AKAP6: variants seen among roughly 807,000 people sequenced by gnomAD.
The protein encoded by AKAP6 is A-kinase anchor protein 6.
In AKAP6, 58 loss-of-function variants were observed where a neutral mutation model predicts 188.5. The ratio of observed to expected loss-of-function variants is 0.31; its 90% CI spans 0.25 to 0.38. The LOEUF (loss-of-function observed/expected upper bound fraction) is 0.38. AKAP6 is among the 10% of genes least tolerant of loss of function. The pLI is 1.00. For missense variants in AKAP6, 2,710 were observed against 2,740.0 expected (o/e 0.99, Z 0.24); for synonymous variants, 989 against 998.6 (o/e 0.99, Z 0.18).
chr14:32,822,946 C>T lies in AKAP6; in HGVS notation c.5133C>T (p.Ile1711=). Residue 1711 remains isoleucine (I), a synonymous_variant, in exon 13 of 14, where the codon ATC becomes ATT. Transcript: ENST00000280979. ...ATATTGTGTTACACAAGAACAAGAT[C>T]CCGGAATCGAATGCATCGTTCAGGA... ...SEDIVLHKNK[I]PESNASFRKR... 3.1e-6 allele frequency: 5 copies of T among 1,613,904 alleles called. No homozygotes were observed. Among genetic ancestry groups the T allele is most frequent in the Non-Finnish European group, 4.2e-6 (5 of 1,179,918 alleles).
chr14:32,411,484 G>C (rs1268669588), intron 1 of AKAP6, among the ~76,000 whole-genome samples: 1 of 152,110 alleles, frequency 6.6e-6, no homozygotes, highest in East Asian at 1.9e-4. Context: ...CTTTAATCTA[G>C]AGACCCTCTA....
At chr14:32,330,219 C>T (rs1379348232) in intron 1 of AKAP6, among the ~76,000 whole-genome samples, 2 of 152,018 alleles carry the variant, frequency 1.3e-5, no homozygotes, top group African/African-American at 2.4e-5. Context: ...TTAACTTTAA[C>T]AAAAATCTGG....
Position 32,433,455 on chromosome 14 carries a change from T to C in AKAP6, c.-34-5T>C. 6.4e-7 allele frequency: 1 copy of C among 1,573,946 alleles called. No homozygotes were observed. On this transcript the variant is annotated splice_polypyrimidine_tract_variant and splice_region_variant and intron_variant, in intron 1 of 13. Transcript: ENST00000280979. ...CTTGCTTTCTTCTTTCCTCTTGCCT[T>C]TCAGCTGTTTTGGAAAGAAGTGAGG...
intron 2 of AKAP6, among the ~76,000 whole-genome samples, chr14:32,444,948 G>A (rs7146913): frequency 0.28 from 42,485 of 152,108 alleles, 12,487 homozygotes; most frequent in African/African-American, 0.75. Flanking sequence ...AGTCCTTCGA[G>A]TAATACCACA....
chr14:32,769,098 A>T (rs2032815582), intron 11 of AKAP6, among the ~76,000 whole-genome samples: 1 of 115,812 alleles, frequency 8.6e-6, no homozygotes, highest in Non-Finnish European at 1.6e-5. Context: ...CCCAGGCTGC[A>T]GTGCAATGGC....
intron 2 of AKAP6, among the ~76,000 whole-genome samples, chr14:32,526,087 C>T (rs1882108720): frequency 1.3e-5 from 2 of 152,090 alleles, no homozygotes; most frequent in African/African-American, 4.8e-5. Flanking sequence ...AAATTTGAGA[C>T]AGGGTCTCAC....
chr14:32,809,804 G>A lies in AKAP6; in HGVS notation c.3589-11598G>A, dbSNP rs12885221. On this transcript the variant is annotated intron_variant, in intron 12 of 13. Transcript: ENST00000280979. Reference sequence around the variant, plus strand: ...ATAAGGGATCTCCGTTTATCCAAGTGTTCCTTGTGCTCAGTAATCGCAGCC... The same window carrying A: ...ATAAGGGATCTCCGTTTATCCAAGTATTCCTTGTGCTCAGTAATCGCAGCC... Among the ~76,000 whole-genome samples, 9 of 152,188 alleles carry A rather than the reference G, an allele frequency of 5.9e-5. No individual in the cohort carries two copies. The South Asian group carries it at 1.7e-3, about 28-fold the overall frequency.
At chr14:32,502,750 A>C (rs999177688) in intron 2 of AKAP6, among the ~76,000 whole-genome samples, 1 of 152,114 alleles carries the variant, frequency 6.6e-6, no homozygotes, top group East Asian at 1.9e-4. Context: ...TACACCATGA[A>C]GATCTTTCTG....
chr14:32,822,173 T>C lies in AKAP6; in HGVS notation c.4360T>C (p.Leu1454=), dbSNP rs1163337235. ...TATTACCAAACATACCCCTGACTGTTTGGGAGAAGAATTACAAGGAAAACA... is the reference window on the plus strand; with the variant it reads ...TATTACCAAACATACCCCTGACTGTCTGGGAGAAGAATTACAAGGAAAACA... The part of the protein sequence containing the change: ...NSITKHTPDC[L]GEELQGKHDV... Residue 1454 remains leucine, a synonymous_variant, in exon 13 of 14, where the codon TTG becomes CTG. Transcript: ENST00000280979. 1.2e-6 allele frequency: 2 copies of C among 1,613,840 alleles called. No homozygotes were observed. Among genetic ancestry groups the C allele is most frequent in the Non-Finnish European group, 1.7e-6 (2 of 1,179,908 alleles).
chr14:32,646,855 C>T (rs779259465), intron 7 of AKAP6, among the ~76,000 whole-genome samples: 2 of 152,064 alleles, frequency 1.3e-5, no homozygotes, highest in South Asian at 2.1e-4. Context: ...TGATTCATGG[C>T]ATACTTGAGG....
chr14:32,558,879 G>A lies in AKAP6; in HGVS notation c.2346+11880G>A, dbSNP rs576685485. 3.9e-5 allele frequency among the ~76,000 whole-genome samples: 6 copies of A among 152,214 alleles called. No homozygotes were observed. In the South Asian group the frequency reaches 1.2e-3, roughly 32 times the overall value. On this transcript the variant is annotated intron_variant, in intron 4 of 13. Coordinates refer to ENST00000280979, the MANE Select transcript of AKAP6 (RefSeq NM_004274.5). ...GAAGTTACACATGCCACTTTTGCTC[G>A]CATCCCACTGGCCCACTTTGTCACA... is the stretch of plus-strand genomic sequence containing the variant.
intron 12 of AKAP6, among the ~76,000 whole-genome samples, chr14:32,804,830 T>C (rs946711868): frequency 3.3e-5 from 5 of 152,218 alleles, no homozygotes; most frequent in Middle Eastern, 3.4e-3. Context: ...AGGGTATTAA[T>C]ATTAATATTC....
chr14:32,447,125 C>T (rs1206353643), intron 2 of AKAP6, among the ~76,000 whole-genome samples: 1 of 152,140 alleles, frequency 6.6e-6, no homozygotes, highest in Non-Finnish European at 1.5e-5. Flanking sequence ...GCAAACAACT[C>T]GTCTCTCTAC....
Position 32,694,291 on chromosome 14 carries a change from G to A in AKAP6, c.2880-1699G>A, listed in dbSNP as rs956158934. On this transcript the variant is annotated intron_variant, in intron 8 of 13. Transcript: ENST00000280979. ...CAGGAGAATGGTGTGAACCCGGGAG[G>A]CGGAGCTTGCAGTAGGCAGAGATTG... 6.6e-5 allele frequency among the ~76,000 whole-genome samples: 10 copies of A among 151,540 alleles called. No individual in the cohort carries two copies. The East Asian group carries it at 1.2e-3, about 18-fold the overall frequency.
intron 2 of AKAP6, among the ~76,000 whole-genome samples, chr14:32,495,827 A>G (rs1880287590): frequency 6.6e-6 from 1 of 152,170 alleles, no homozygotes. Flanking sequence ...ACTGCTTAAT[A>G]GGGTCTGGGT....
At chr14:32,596,761 G>C (rs576969459) in intron 5 of AKAP6, among the ~76,000 whole-genome samples, 7 of 152,296 alleles carry the variant, frequency 4.6e-5, no homozygotes, top group Admixed American at 3.3e-4. Flanking sequence ...ATGTGTTCAA[G>C]TATCAAGTTT....
chr14:32,480,321 C>A (rs1041807367), intron 2 of AKAP6, among the ~76,000 whole-genome samples: 4 of 152,064 alleles, frequency 2.6e-5, no homozygotes, highest in African/African-American at 9.7e-5. Flanking sequence ...TCACAATTGA[C>A]CTGAATAGTA....
intron 1 of AKAP6, among the ~76,000 whole-genome samples, chr14:32,393,154 A>G (rs1888765744): frequency 6.6e-6 from 1 of 152,160 alleles, no homozygotes; most frequent in Non-Finnish European, 1.5e-5. Flanking sequence ...ATGTTGGATA[A>G]GCCTGGCAGA....
rs1232977422 is a variant in AKAP6, at chr14:32,823,861, T to C, written c.6048T>C (p.Ala2016=). The change falls in exon 13 of 14, where the codon GCT becomes GCC. Residue 2016 remains alanine (A), a synonymous_variant. Coordinates refer to ENST00000280979, the MANE Select transcript of AKAP6 (RefSeq NM_004274.5). The stretch of plus-strand genomic sequence containing the variant: ...CACCGAGTATGGCTGGAAAATCTGC[T>C]GGTTGTTGCCTAGCACTTGAACAAA... ...DDAPSMAGKS[A]GCCLALEQNG... 3 of 1,613,776 alleles carry C rather than the reference T, an allele frequency of 1.9e-6. No homozygotes were observed. The highest frequency in any genetic ancestry group is 4.5e-5 in the East Asian group (2 of 44,884).
Sources: gnomAD v4.1 joint callset for allele counts (sites outside exome capture counted in the v4.1 genomes callset) on GRCh38, gnomAD v4.1.1 for gene constraint, MANE v1.5 for transcripts, NCBI Gene and HGNC (gene_info 2026-07-23, HGNC 2026-07-21) for gene names.